Variants in GRIK4 observed in about 807,000 individuals in gnomAD.
GRIK4 encodes glutamate ionotropic receptor kainate type subunit 4, also known as glutamate receptor ionotropic, kainate 4.
A neutral mutation model predicts 104.9 loss-of-function variants in GRIK4; 40 were observed. The ratio of observed to expected loss-of-function variants is 0.38; its 90% CI spans 0.30 to 0.50. The LOEUF is 0.50. Ranked by LOEUF, GRIK4 falls within the 20% of genes least tolerant of loss-of-function variation. The pLI is 0.93. For synonymous variants in GRIK4, 485 were observed against 524.9 expected (o/e 0.92, Z 1.04); for missense variants, 1,047 against 1,308.1 (o/e 0.80, Z 3.08).
chr11:120,883,644 C>G (rs1224992864), intron 11 of GRIK4, among the ~76,000 whole-genome samples: 2 of 152,220 alleles, frequency 1.3e-5, no homozygotes, highest in African/African-American at 4.8e-5. Flanking sequence ...TCCTGCTTAT[C>G]AGCTTTGATG....
At chr11:120,564,818 T>G (rs1454838095) in intron 1 of GRIK4, 3 of 136,766 alleles carry the variant, frequency 2.2e-5, no homozygotes, top group Admixed American at 6.9e-5. Context: ...GGCTCCCGCG[T>G]GGGCCGGCGG....
At chr11:120,728,403 C>T (rs1282168441) in intron 3 of GRIK4, among the ~76,000 whole-genome samples, 1 of 152,106 alleles carries the variant, frequency 6.6e-6, no homozygotes, top group African/African-American at 2.4e-5. Context: ...CCCAAGAGCC[C>T]TCCTTCGGGA....
At chr11:120,571,250 C>T (rs918215260) in intron 1 of GRIK4, among the ~76,000 whole-genome samples, 4 of 152,174 alleles carry the variant, frequency 2.6e-5, no homozygotes, top group Admixed American at 6.5e-5. Context: ...TTTGATGGAG[C>T]GTGCTCTCCA....
At chr11:120,828,887 T>C (rs1953345149) in intron 6 of GRIK4, among the ~76,000 whole-genome samples, 1 of 152,072 alleles carries the variant, frequency 6.6e-6, no homozygotes, top group South Asian at 2.1e-4. Flanking sequence ...TTATCTGACA[T>C]CTGGGGGGCT....
At chr11:120,918,047 G>C (rs1271819246) in intron 13 of GRIK4, among the ~76,000 whole-genome samples, 1 of 152,188 alleles carries the variant, frequency 6.6e-6, no homozygotes, top group East Asian at 1.9e-4. Flanking sequence ...GAATTCTCTA[G>C]TCTCGATTCC....
At chr11:120,934,076 G>A (rs1233208550) in intron 13 of GRIK4, among the ~76,000 whole-genome samples, 1 of 152,008 alleles carries the variant, frequency 6.6e-6, no homozygotes, top group African/African-American at 2.4e-5. Context: ...ATGGTGGCGG[G>A]CGCCTGTAGT....
chr11:120,530,034 G>C (rs1321320391), intron 1 of GRIK4, among the ~76,000 whole-genome samples: 1 of 152,144 alleles, frequency 6.6e-6, no homozygotes, highest in African/African-American at 2.4e-5. Flanking sequence ...TAGGAGTAAG[G>C]GTGCCCCAAG....
intron 8 of GRIK4, among the ~76,000 whole-genome samples, chr11:120,838,056 C>T (rs564727066): frequency 5.3e-5 from 8 of 152,140 alleles, no homozygotes; most frequent in South Asian, 2.1e-4. Flanking sequence ...GGACAGTCAC[C>T]GGAATGAGGT....
chr11:120,654,892 T>C (rs11217938), intron 2 of GRIK4, among the ~76,000 whole-genome samples: 2,554 of 152,190 alleles, frequency 0.017, 50 homozygotes, highest in African/African-American at 0.052. Context: ...AGGCACAGAA[T>C]CAGAGGGCGG....
chr11:120,937,650 G>A (rs1435767095), intron 13 of GRIK4, among the ~76,000 whole-genome samples: 1 of 152,170 alleles, frequency 6.6e-6, no homozygotes, highest in Admixed American at 6.5e-5. Context: ...CCGGTTCCCT[G>A]TTTGTAGGGA....
intron 3 of GRIK4, among the ~76,000 whole-genome samples, chr11:120,800,208 A>G (rs1163176865): frequency 1.3e-5 from 2 of 151,996 alleles, no homozygotes; most frequent in African/African-American, 4.8e-5. Flanking sequence ...CTTAGGTGGA[A>G]CCCCAACCCC....
chr11:120,687,331 C>T (rs1338985785), intron 3 of GRIK4, among the ~76,000 whole-genome samples: 1 of 152,182 alleles, frequency 6.6e-6, no homozygotes, highest in African/African-American at 2.4e-5. Flanking sequence ...AATGAACCTC[C>T]AGCGCTTTAA....
chr11:120,696,245 T>A (rs1950446983), intron 3 of GRIK4, among the ~76,000 whole-genome samples: 1 of 152,128 alleles, frequency 6.6e-6, no homozygotes, highest in Admixed American at 6.5e-5. Flanking sequence ...GGGTTGCCCG[T>A]GAGCACATAT....
intron 3 of GRIK4, among the ~76,000 whole-genome samples, chr11:120,788,273 T>C (rs1952329040): frequency 6.6e-6 from 1 of 152,190 alleles, no homozygotes; most frequent in Non-Finnish European, 1.5e-5. Flanking sequence ...AAAGTGTTTT[T>C]CTCTCACACA....
intron 13 of GRIK4, among the ~76,000 whole-genome samples, chr11:120,913,363 A>C (rs1943039361): frequency 6.6e-6 from 1 of 151,880 alleles, no homozygotes; most frequent in Non-Finnish European, 1.5e-5. Context: ...ATTGCACTCC[A>C]TCTGTAAAGT....
Position 120,940,790 on chromosome 11 carries a change from C to T in GRIK4, c.1590+330C>T, listed in dbSNP as rs1373914850. 6.6e-6 allele frequency among the ~76,000 whole-genome samples: 1 copy of T among 152,124 alleles called. No homozygotes were observed. The highest frequency in any genetic ancestry group is 2.4e-5 in the African/African-American group (1 of 41,406). On this transcript the variant is annotated intron_variant, in intron 14 of 20. Coordinates refer to ENST00000527524, the MANE Select transcript of GRIK4 (RefSeq NM_014619.5). The surrounding 1 kb of genome is among the most constrained non-coding windows in gnomAD (Gnocchi z 4.3). ...CTTGCCTGCAGCCCAGATAAGTCAC[C>T]CTAGCATTTCTCAAGCACGTTGCCA... is the stretch of plus-strand genomic sequence containing the variant.
At chr11:120,959,418 A>G (rs922479043) in intron 16 of GRIK4, among the ~76,000 whole-genome samples, 3 of 152,234 alleles carry the variant, frequency 2.0e-5, no homozygotes, top group African/African-American at 7.2e-5. Flanking sequence ...TTGAAAATCT[A>G]CACAGCAGTG....
chr11:120,809,234 T>A (rs1952777188), intron 4 of GRIK4, among the ~76,000 whole-genome samples: 1 of 152,168 alleles, frequency 6.6e-6, no homozygotes, highest in South Asian at 2.1e-4. Context: ...TGCTGACATT[T>A]TGAGATGAAG....
At chr11:120,596,003 C>T (rs1234868826) in intron 1 of GRIK4, among the ~76,000 whole-genome samples, 1 of 152,110 alleles carries the variant, frequency 6.6e-6, no homozygotes, top group African/African-American at 2.4e-5. Context: ...TGCGCCACCA[C>T]GGTCAGCTAA....
Sources: gnomAD v4.1 joint callset for allele counts (sites outside exome capture counted in the v4.1 genomes callset) on GRCh38, gnomAD v4.1.1 for gene constraint, Gnocchi (gnomAD v3.1) non-coding constraint, MANE v1.5 for transcripts, NCBI Gene and HGNC (gene_info 2026-07-23, HGNC 2026-07-21) for gene names.